The following COL25A1 variants were observed in gnomAD, a reference collection of about 807,000 sequenced individuals.
COL25A1 encodes the protein collagen type XXV alpha 1 chain.
A neutral mutation model predicts 128.4 loss-of-function variants in COL25A1; 103 were observed. That is an observed-to-expected ratio of 0.80 (90% confidence interval 0.68 to 0.94). COL25A1 has a LOEUF of 0.94. Among genes scored for constraint, COL25A1 ranks in the 40% least tolerant of loss-of-function variants. The pLI is 0.00. For synonymous variants in COL25A1, 279 were observed against 277.2 expected, an observed-to-expected ratio of 1.01 and a Z score of -0.06; for missense variants, 745 against 840.0, an observed-to-expected ratio of 0.89 and a Z score of 1.40.
chr4:109,181,180 T>C (rs1774596040), intron 3 of COL25A1, among the ~76,000 whole-genome samples: 1 of 152,118 alleles, frequency 6.6e-6, no homozygotes, highest in African/African-American at 2.4e-5. Context: ...GTTAATCCTC[T>C]GGTTCTAGAA....
chr4:109,302,314 T>C lies in COL25A1; in HGVS notation c.-202A>G. 2.6e-6 allele frequency: 1 copy of C among 378,402 alleles called. No individual in the cohort carries two copies. Among genetic ancestry groups the C allele is most frequent in the Non-Finnish European group, 4.7e-6 (1 of 211,072 alleles). 23.4% of individuals were successfully genotyped at this position (378,402 alleles called of 1,614,324 possible). A position where few individuals can be genotyped will look rare whatever the true frequency, so the allele number is the denominator to read the frequency against. ...AAGACGAAACCCACCCAGACAGCTC[T>C]TCCGACTCCCAGAGGACCGACACCT... On this transcript the variant is annotated 5_prime_UTR_variant, in exon 1 of 38. Transcript: ENST00000399132.
chr4:109,296,727 GCATCC>G (rs2126289863), intron 3 of COL25A1, among the ~76,000 whole-genome samples: 1 of 152,102 alleles, frequency 6.6e-6, no homozygotes, highest in Admixed American at 6.5e-5. Flanking sequence ...TCTTTATTCC[GCATCC>G]ACATTCTTCG....
At chr4:109,255,065 T>C (rs1431143047) in intron 3 of COL25A1, among the ~76,000 whole-genome samples, 3 of 152,210 alleles carry the variant, frequency 2.0e-5, no homozygotes, top group Non-Finnish European at 4.4e-5. Flanking sequence ...AAGTGAAAGC[T>C]GGCAGTTGAA....
chr4:109,142,034 G>A (rs1397873925), intron 3 of COL25A1, among the ~76,000 whole-genome samples: 1 of 152,088 alleles, frequency 6.6e-6, no homozygotes, highest in Non-Finnish European at 1.5e-5. Flanking sequence ...GTCGATTTTA[G>A]ATCTTTCCCA....
At chr4:109,203,459 G>A (rs1265048977) in intron 3 of COL25A1, among the ~76,000 whole-genome samples, 1 of 151,954 alleles carries the variant, frequency 6.6e-6, no homozygotes, top group Non-Finnish European at 1.5e-5. Context: ...CCCCAAAGAA[G>A]AAGAAATGGG....
chr4:109,159,589 G>A (rs1772364784), intron 3 of COL25A1, among the ~76,000 whole-genome samples: 1 of 152,068 alleles, frequency 6.6e-6, no homozygotes, highest in East Asian at 1.9e-4. Flanking sequence ...TAATTTGATA[G>A]TACGAAGCAT....
At chr4:109,146,840 T>A (rs1469400448) in intron 3 of COL25A1, among the ~76,000 whole-genome samples, 1 of 152,230 alleles carries the variant, frequency 6.6e-6, no homozygotes, top group East Asian at 1.9e-4. Context: ...TACACTTGGA[T>A]AACTACTGGG....
At chr4:109,059,237 T>C (rs977478840) in intron 3 of COL25A1, among the ~76,000 whole-genome samples, 2 of 152,190 alleles carry the variant, frequency 1.3e-5, no homozygotes, top group East Asian at 3.9e-4. Context: ...GTGATCTCAA[T>C]ACAATTTTGG....
At chr4:108,904,260 G>A (rs957195306) in intron 13 of COL25A1, among the ~76,000 whole-genome samples, 2 of 152,038 alleles carry the variant, frequency 1.3e-5, no homozygotes, top group Non-Finnish European at 2.9e-5. Context: ...GACATGACAG[G>A]TGCCTGTGCC....
chr4:109,196,026 A>AG (rs1776009934), intron 3 of COL25A1, among the ~76,000 whole-genome samples: 1 of 152,248 alleles, frequency 6.6e-6, no homozygotes, highest in South Asian at 2.1e-4. Flanking sequence ...ACAGAAGCGA[A>AG]GAAGGTAATT....
intron 8 of COL25A1, chr4:108,942,254 G>T: frequency 6.5e-7 from 1 of 1,550,288 alleles, no homozygotes; most frequent in Non-Finnish European, 8.7e-7. Context: ...CAACTGTGGG[G>T]AAGCCTGGCA....
At chr4:108,926,249 A>C (rs571546317) in intron 11 of COL25A1, among the ~76,000 whole-genome samples, 4 of 152,244 alleles carry the variant, frequency 2.6e-5, no homozygotes, top group African/African-American at 9.6e-5. Flanking sequence ...TTAGGAAATG[A>C]TGTAGGGGGC....
rs556228446 is a variant in COL25A1 at position 108,984,484 on chromosome 4, G to T, written c.439-9925C>A. Among the ~76,000 whole-genome samples, 4 of 150,888 alleles carry T rather than the reference G, an allele frequency of 2.7e-5. No homozygotes were observed. The South Asian group carries it at 8.4e-4, about 32-fold the overall frequency. On this transcript the variant is annotated intron_variant, in intron 6 of 37. Transcript: ENST00000399132. ...GCTCCCGCCGCACAGGAGACCATGA[G>T]GGGGGCGGGAGGGAGGCTCACGCAT...
At chr4:108,983,502 G>A (rs543881937) in intron 6 of COL25A1, among the ~76,000 whole-genome samples, 32 of 152,280 alleles carry the variant, frequency 2.1e-4, no homozygotes, top group Non-Finnish European at 3.2e-4. Flanking sequence ...ATTGTTTGCC[G>A]GTCAGTTGGA....
chr4:109,027,456 G>A (rs1163433886), intron 5 of COL25A1, among the ~76,000 whole-genome samples: 1 of 151,840 alleles, frequency 6.6e-6, no homozygotes, highest in African/African-American at 2.4e-5. Flanking sequence ...AGACTTTGCA[G>A]GTCATGATAA....
chr4:108,817,668 AT>A (rs1731372188), intron 36 of COL25A1, among the ~76,000 whole-genome samples: 1 of 152,214 alleles, frequency 6.6e-6, no homozygotes, highest in South Asian at 2.1e-4. Flanking sequence ...AGTATAGAAA[AT>A]GTTATGCCTA....
intron 3 of COL25A1, among the ~76,000 whole-genome samples, chr4:109,144,333 C>T (rs1281917110): frequency 1.3e-5 from 2 of 152,220 alleles, no homozygotes; most frequent in Admixed American, 6.5e-5. Flanking sequence ...TGTCTGTTGA[C>T]CCCTGCTAGG....
At chr4:108,842,229 G>A (rs1448224239) in intron 30 of COL25A1, among the ~76,000 whole-genome samples, 1 of 151,978 alleles carries the variant, frequency 6.6e-6, no homozygotes, top group African/African-American at 2.4e-5. Context: ...CCCAAATTTT[G>A]GATTTTGTAG....
chr4:108,893,405 G>C (rs1741753711), intron 16 of COL25A1, among the ~76,000 whole-genome samples: 1 of 152,142 alleles, frequency 6.6e-6, no homozygotes. Flanking sequence ...CAAAGAGTGG[G>C]ACATAATCCT....
Sources: allele counts gnomAD v4.1 joint callset (sites outside exome capture counted in the v4.1 genomes callset), GRCh38; gene constraint gnomAD v4.1.1; transcripts MANE v1.5; gene names NCBI Gene and HGNC (gene_info 2026-07-23, HGNC 2026-07-21).